PPARGC1A: variants seen among roughly 807,000 people sequenced by gnomAD.
PPARGC1A encodes peroxisome proliferator-activated receptor gamma coactivator 1-alpha.
PPARGC1A carries 25 observed loss-of-function variants against 88.7 expected under a neutral mutation model. The ratio of observed to expected loss-of-function variants is 0.28; its 90% CI spans 0.21 to 0.39. PPARGC1A has a LOEUF of 0.39. Ranked by LOEUF, PPARGC1A falls within the 10% of genes least tolerant of loss-of-function variation. PPARGC1A has a pLI of 1.00. For synonymous variants in PPARGC1A, 363 were observed against 355.6 expected, an observed-to-expected ratio of 1.02 and a Z score of -0.24; for missense variants, 880 against 968.7, an observed-to-expected ratio of 0.91 and a Z score of 1.22.
chr4:24,228,795 A>T, the PPARGC1A span, among the ~76,000 whole-genome samples: 1 of 152,222 alleles, frequency 6.6e-6, no homozygotes, highest in South Asian at 2.1e-4. Flanking sequence ...TCATGAACCA[A>T]TTAAGGCTGT....
At chr4:24,097,877 G>T in the PPARGC1A span, among the ~76,000 whole-genome samples, 2 of 152,276 alleles carry the variant, frequency 1.3e-5, no homozygotes, top group South Asian at 2.1e-4. Flanking sequence ...ACCTGTGGCT[G>T]GTGGAGTGAA....
At chr4:23,973,196 T>A in the PPARGC1A span, among the ~76,000 whole-genome samples, 2 of 137,404 alleles carry the variant, frequency 1.5e-5, no homozygotes, top group Non-Finnish European at 3.3e-5. Flanking sequence ...GAAGAAAAAA[T>A]TTAGAGCAAG....
intron 2 of PPARGC1A, among the ~76,000 whole-genome samples, chr4:23,847,270 T>C (rs1297553133): frequency 6.6e-6 from 1 of 152,174 alleles, no homozygotes; most frequent in Non-Finnish European, 1.5e-5. Flanking sequence ...AGCTGTGGCA[T>C]ACTGAGATGC....
the PPARGC1A span, among the ~76,000 whole-genome samples, chr4:24,167,331 G>A: frequency 6.6e-6 from 1 of 152,196 alleles, no homozygotes; most frequent in Admixed American, 6.5e-5. Flanking sequence ...TCTTCTGAAT[G>A]AACAAAGAAA....
the PPARGC1A span, among the ~76,000 whole-genome samples, chr4:24,163,658 G>A: frequency 1.1e-4 from 16 of 152,200 alleles, no homozygotes; most frequent in East Asian, 1.9e-4. Flanking sequence ...ACATTATGAC[G>A]CTATAGCAAT....
chr4:24,048,836 T>C, the PPARGC1A span, among the ~76,000 whole-genome samples: 1 of 152,170 alleles, frequency 6.6e-6, no homozygotes, highest in Non-Finnish European at 1.5e-5. Context: ...TTCCAACTAT[T>C]AGTCAACTAA....
At chr4:24,436,970 T>G in the PPARGC1A span, among the ~76,000 whole-genome samples, 1 of 152,098 alleles carries the variant, frequency 6.6e-6, no homozygotes, top group Non-Finnish European at 1.5e-5. Flanking sequence ...GGGCTGGCTC[T>G]AGGGAGACCT....
Position 23,812,843 on chromosome 4 carries a change from C to T in PPARGC1A, c.1923G>A (p.Gln641=). The change falls in exon 10 of 13, where the codon CAG becomes CAA. Residue 641 remains glutamine (Q), a synonymous_variant. Coordinates refer to ENST00000264867, the MANE Select transcript of PPARGC1A (RefSeq NM_013261.5). The part of the protein sequence containing the change: ...RPRYDSYEEY[Q]HERLKREEYR... ...ATTCTTCCCTCTTCAGCCTCTCGTG[C>T]TGATATTCCTCGTAGCTGTCATACC... 3 of 1,614,018 alleles carry T rather than the reference C, an allele frequency of 1.9e-6. No individual in the cohort carries two copies. Among genetic ancestry groups the T allele is most frequent in the Non-Finnish European group, 1.7e-6 (2 of 1,179,992 alleles).
the PPARGC1A span, among the ~76,000 whole-genome samples, chr4:24,103,317 G>A: frequency 7.9e-5 from 12 of 151,950 alleles, no homozygotes; most frequent in South Asian, 2.1e-4. Flanking sequence ...GGTGGTATCC[G>A]CACCTGGCAC....
At chr4:24,221,068 CGTAA>C in the PPARGC1A span, among the ~76,000 whole-genome samples, 1 of 151,980 alleles carries the variant, frequency 6.6e-6, no homozygotes, top group Non-Finnish European at 1.5e-5. Context: ...CAAAATAAAT[CGTAA>C]TTCATTCTAC....
the PPARGC1A span, among the ~76,000 whole-genome samples, chr4:24,420,494 C>G: frequency 6.6e-6 from 1 of 152,072 alleles, no homozygotes; most frequent in East Asian, 1.9e-4. Flanking sequence ...GATCGTATGC[C>G]CGTTTTTATA....
At chr4:24,387,783 A>G in the PPARGC1A span, among the ~76,000 whole-genome samples, 1 of 89,340 alleles carries the variant, frequency 1.1e-5, no homozygotes, top group Non-Finnish European at 2.4e-5. Flanking sequence ...AAAGAAAGAA[A>G]GAAAGAAAGA....
chr4:24,397,629 C>G, the PPARGC1A span, among the ~76,000 whole-genome samples: 3 of 152,128 alleles, frequency 2.0e-5, no homozygotes, highest in African/African-American at 7.2e-5. Flanking sequence ...GACTAGCGCT[C>G]CAGCAGCCAT....
the PPARGC1A span, among the ~76,000 whole-genome samples, chr4:24,207,212 G>A: frequency 6.6e-6 from 1 of 152,092 alleles, no homozygotes; most frequent in Admixed American, 6.6e-5. Context: ...TTACTCAATG[G>A]AGTTGAAAGG....
At chr4:24,462,414 C>T in the PPARGC1A span, among the ~76,000 whole-genome samples, 1 of 151,884 alleles carries the variant, frequency 6.6e-6, no homozygotes, top group Non-Finnish European at 1.5e-5. Context: ...TTTATTTGTC[C>T]TTGATGCTCC....
chr4:23,804,699 C>T (rs1719447240), intron 10 of PPARGC1A, among the ~76,000 whole-genome samples: 1 of 152,126 alleles, frequency 6.6e-6, no homozygotes, highest in African/African-American at 2.4e-5. Context: ...ACTCTCTTTT[C>T]CAGCCACACT....
At chr4:24,156,493 G>A in the PPARGC1A span, among the ~76,000 whole-genome samples, 2 of 152,036 alleles carry the variant, frequency 1.3e-5, no homozygotes, top group African/African-American at 2.4e-5. Flanking sequence ...GTCAAGGGGT[G>A]GAGAAGATCA....
At chr4:24,144,846 C>T in the PPARGC1A span, among the ~76,000 whole-genome samples, 9 of 152,026 alleles carry the variant, frequency 5.9e-5, no homozygotes, top group Middle Eastern at 3.4e-3. Flanking sequence ...GCAAAATCAC[C>T]GAGGTGGTAT....
chr4:24,265,396 G>A, the PPARGC1A span, among the ~76,000 whole-genome samples: 2 of 152,292 alleles, frequency 1.3e-5, no homozygotes, highest in East Asian at 1.9e-4. Flanking sequence ...CCTTGGACAG[G>A]TAATTCCACT....
Sources: allele counts gnomAD v4.1 joint callset (sites outside exome capture counted in the v4.1 genomes callset), GRCh38; gene constraint gnomAD v4.1.1; transcripts MANE v1.5; gene names NCBI Gene and HGNC (gene_info 2026-07-23, HGNC 2026-07-21).